ARHGAP42: variants seen among roughly 807,000 people sequenced by gnomAD.
ARHGAP42 encodes Rho GTPase activating protein 42.
A neutral mutation model predicts 125.0 loss-of-function variants in ARHGAP42; 63 were observed. The ratio of observed to expected loss-of-function variants is 0.50; its 90% CI spans 0.41 to 0.62. The LOEUF is 0.62. ARHGAP42 is among the 20% of genes least tolerant of loss of function. The probability of loss-of-function intolerance (pLI) is 0.00; values close to 1 mark genes in which losing one functional copy is unlikely to be tolerated. For synonymous variants in ARHGAP42, 339 were observed against 351.0 expected, an observed-to-expected ratio of 0.97 and a Z score of 0.38; for missense variants, 766 against 1,024.2, an observed-to-expected ratio of 0.75 and a Z score of 3.44.
chr11:100,806,968 C>T (rs1364881024), intron 3 of ARHGAP42, among the ~76,000 whole-genome samples: 2 of 151,752 alleles, frequency 1.3e-5, no homozygotes, highest in Admixed American at 6.6e-5. Flanking sequence ...GTGCCTTGAC[C>T]TCCCAAGTAG....
chr11:100,907,462 A>G (rs1591286110), intron 4 of ARHGAP42, among the ~76,000 whole-genome samples: 1 of 152,108 alleles, frequency 6.6e-6, no homozygotes, highest in African/African-American at 2.4e-5. Context: ...TAATGGTACA[A>G]CCCTCCAGAA....
At chr11:100,744,566 G>A (rs907261624) in intron 1 of ARHGAP42, among the ~76,000 whole-genome samples, 6 of 151,768 alleles carry the variant, frequency 4.0e-5, no homozygotes, top group Admixed American at 1.3e-4. Flanking sequence ...GTGTGTGTGC[G>A]TGCTTGTGTG....
intron 1 of ARHGAP42, among the ~76,000 whole-genome samples, chr11:100,760,020 G>A (rs548034896): frequency 6.6e-6 from 1 of 152,144 alleles, no homozygotes; most frequent in African/African-American, 2.4e-5. Flanking sequence ...CTAGAAACTG[G>A]CAAGTTTTAA....
At chr11:100,892,715 A>C (rs1314898453) in intron 4 of ARHGAP42, among the ~76,000 whole-genome samples, 1 of 152,180 alleles carries the variant, frequency 6.6e-6, no homozygotes, top group Admixed American at 6.5e-5. Flanking sequence ...TTAGCTATTG[A>C]GTGCTGCCTG....
intron 3 of ARHGAP42, among the ~76,000 whole-genome samples, chr11:100,843,816 A>G (rs1164622862): frequency 6.6e-6 from 1 of 152,176 alleles, no homozygotes; most frequent in African/African-American, 2.4e-5. Flanking sequence ...AACAAATGGA[A>G]ACACGTCCCA....
intron 4 of ARHGAP42, among the ~76,000 whole-genome samples, chr11:100,894,876 TA>T (rs994083184): frequency 6.6e-6 from 1 of 152,178 alleles, no homozygotes; most frequent in African/African-American, 2.4e-5. Context: ...TTGATATTCC[TA>T]CCGGTCGATG....
In ARHGAP42 at chr11:100,987,595, A is replaced by G. The variant is rs1565308850; in HGVS notation, c.2536+3A>G. On this transcript the variant is annotated splice_donor_region_variant and intron_variant, in intron 23 of 23. Coordinates refer to ENST00000298815, the MANE Select transcript of ARHGAP42 (RefSeq NM_152432.4). Reference sequence around the variant, plus strand: ...ACAAGGAGCAATATTTTCTAATGGTAAGTATGTCAATTCCCTCTGCCTAAG... The same window carrying G: ...ACAAGGAGCAATATTTTCTAATGGTGAGTATGTCAATTCCCTCTGCCTAAG... 6.4e-7 allele frequency: 1 copy of G among 1,550,602 alleles called. No individual in the cohort carries two copies. The highest frequency in any genetic ancestry group is 8.7e-7 in the Non-Finnish European group (1 of 1,146,042).
At chr11:100,826,825 G>A (rs546031229) in intron 3 of ARHGAP42, among the ~76,000 whole-genome samples, 10 of 152,146 alleles carry the variant, frequency 6.6e-5, no homozygotes, top group South Asian at 6.2e-4. Flanking sequence ...ATATTTTGCC[G>A]TTGGTTTTCT....
At chr11:100,779,338 G>C (rs1893682) in intron 2 of ARHGAP42, among the ~76,000 whole-genome samples, 2 of 150,298 alleles carry the variant, frequency 1.3e-5, no homozygotes, top group African/African-American at 4.9e-5. Flanking sequence ...CCAGCTACTC[G>C]AGAGGCTGAG....
chr11:100,821,136 TG>T (rs34279599), intron 3 of ARHGAP42, among the ~76,000 whole-genome samples: 2 of 152,074 alleles, frequency 1.3e-5, no homozygotes, highest in African/African-American at 2.4e-5. Context: ...TGAATTGTGA[TG>T]AGCTCCCTGT....
At chr11:100,755,035 G>A (rs1423754806) in intron 1 of ARHGAP42, among the ~76,000 whole-genome samples, 1 of 152,196 alleles carries the variant, frequency 6.6e-6, no homozygotes, top group Non-Finnish European at 1.5e-5. Flanking sequence ...GCCCAAATCT[G>A]TTTGTTGAAC....
chr11:100,767,977 G>C (rs1353577342), intron 1 of ARHGAP42, among the ~76,000 whole-genome samples: 1 of 152,178 alleles, frequency 6.6e-6, no homozygotes, highest in Non-Finnish European at 1.5e-5. Flanking sequence ...TTGGCTGACA[G>C]TGGTACAAAA....
chr11:100,987,022 T>C (rs988849431), intron 22 of ARHGAP42, among the ~76,000 whole-genome samples: 3 of 152,138 alleles, frequency 2.0e-5, no homozygotes, highest in African/African-American at 7.2e-5. Flanking sequence ...CCATTTATCA[T>C]CAACTTATCC....
chr11:100,824,138 C>G (rs1477412196), intron 3 of ARHGAP42, among the ~76,000 whole-genome samples: 1 of 152,204 alleles, frequency 6.6e-6, no homozygotes, highest in East Asian at 1.9e-4. Context: ...TGCATATCCC[C>G]CACCCACCGG....
chr11:100,744,239 G>A (rs1434719726), intron 1 of ARHGAP42, among the ~76,000 whole-genome samples: 1 of 152,202 alleles, frequency 6.6e-6, no homozygotes, highest in Non-Finnish European at 1.5e-5. Context: ...AAAGTGATGG[G>A]ATTACAGGCG....
intron 2 of ARHGAP42, among the ~76,000 whole-genome samples, chr11:100,790,750 T>G (rs1863546163): frequency 6.6e-6 from 1 of 152,232 alleles, no homozygotes; most frequent in Admixed American, 6.5e-5. Context: ...GTATTGGTTT[T>G]GGAATATATC....
chr11:100,706,258 A>G (rs1323556682), intron 1 of ARHGAP42, among the ~76,000 whole-genome samples: 1 of 152,184 alleles, frequency 6.6e-6, no homozygotes, highest in African/African-American at 2.4e-5. Flanking sequence ...TTCTCTCCCT[A>G]GCAAGTTAGC....
At chr11:100,878,411 G>C (rs1466029678) in intron 4 of ARHGAP42, among the ~76,000 whole-genome samples, 1 of 152,116 alleles carries the variant, frequency 6.6e-6, no homozygotes, top group Non-Finnish European at 1.5e-5. Context: ...TCTCCATGCG[G>C]TAGTAGGAGG....
intron 3 of ARHGAP42, among the ~76,000 whole-genome samples, chr11:100,823,735 G>A (rs926978850): frequency 2.6e-5 from 4 of 152,188 alleles, no homozygotes; most frequent in Admixed American, 6.5e-5. Flanking sequence ...CTCTAAACTC[G>A]TGGAATTATC....
Sources: gnomAD v4.1 joint callset for allele counts (sites outside exome capture counted in the v4.1 genomes callset) on GRCh38, gnomAD v4.1.1 for gene constraint, MANE v1.5 for transcripts, NCBI Gene and HGNC (gene_info 2026-07-23, HGNC 2026-07-21) for gene names.